RPS6KC1: variants seen among roughly 807,000 people sequenced by gnomAD.
RPS6KC1 encodes inactive ribosomal protein S6 kinase delta-1.
Under a neutral mutation model 103.8 loss-of-function variants are expected in RPS6KC1, and 54 were observed. The observed-to-expected ratio is 0.52, with a 90% CI of 0.42 to 0.65. The LOEUF is 0.65. Ranked by LOEUF, RPS6KC1 falls within the 30% of genes least tolerant of loss-of-function variation. The pLI, the probability that RPS6KC1 is intolerant of heterozygous loss-of-function variation, is 0.00. For synonymous variants in RPS6KC1, 439 were observed against 438.7 expected (o/e 1.00, Z -0.01); for missense variants, 1,151 against 1,253.8 (o/e 0.92, Z 1.24).
At chr1:213,472,738 A>G in the RPS6KC1 span, among the ~76,000 whole-genome samples, 1 of 152,246 alleles carries the variant, frequency 6.6e-6, no homozygotes, top group Admixed American at 6.5e-5. Context: ...ATAGAAAAAA[A>G]TTAACATGAA....
the RPS6KC1 span, among the ~76,000 whole-genome samples, chr1:213,761,788 C>T: frequency 1.3e-5 from 2 of 152,180 alleles, no homozygotes; most frequent in Non-Finnish European, 2.9e-5. Context: ...GAATGAGTCT[C>T]TCCAGACCCC....
chr1:213,512,747 T>C, the RPS6KC1 span, among the ~76,000 whole-genome samples: 26 of 152,326 alleles, frequency 1.7e-4, no homozygotes, highest in African/African-American at 6.3e-4. Context: ...AGAAGTAGTG[T>C]TGTCCTTGTA....
chr1:213,319,782 CT>C, the RPS6KC1 span, among the ~76,000 whole-genome samples: 1 of 152,250 alleles, frequency 6.6e-6, no homozygotes, highest in Non-Finnish European at 1.5e-5. Context: ...AAACCGTCAT[CT>C]TTAAGCATTA....
At chr1:213,154,904 C>T (rs1007926514) in intron 6 of RPS6KC1, among the ~76,000 whole-genome samples, 8 of 152,208 alleles carry the variant, frequency 5.3e-5, no homozygotes, top group East Asian at 3.8e-4. Flanking sequence ...CGCCTGAAGC[C>T]GTAAGTGTAG....
the RPS6KC1 span, among the ~76,000 whole-genome samples, chr1:213,592,355 C>T: frequency 6.6e-6 from 1 of 151,994 alleles, no homozygotes; most frequent in Non-Finnish European, 1.5e-5. Context: ...TAAATATATC[C>T]AGCAGTCTTA....
At chr1:213,486,171 A>G in the RPS6KC1 span, among the ~76,000 whole-genome samples, 161 of 152,346 alleles carry the variant, frequency 1.1e-3, no homozygotes, top group African/African-American at 3.5e-3. Flanking sequence ...AAGGCAGGTA[A>G]AATACATATA....
chr1:213,655,352 T>C, the RPS6KC1 span, among the ~76,000 whole-genome samples: 1 of 152,174 alleles, frequency 6.6e-6, no homozygotes, highest in Non-Finnish European at 1.5e-5. Flanking sequence ...CTATGGTATA[T>C]TTCTATCTGT....
the RPS6KC1 span, among the ~76,000 whole-genome samples, chr1:213,602,190 T>C: frequency 5.0e-5 from 3 of 60,580 alleles, no homozygotes; most frequent in Admixed American, 2.0e-4. Context: ...TTCTTTCTTT[T>C]TCCCTCCCTC....
the RPS6KC1 span, among the ~76,000 whole-genome samples, chr1:213,320,778 C>T: frequency 1.3e-5 from 2 of 152,220 alleles, no homozygotes; most frequent in African/African-American, 4.8e-5. Flanking sequence ...GAACCAACCC[C>T]ATCTGACCTC....
the RPS6KC1 span, among the ~76,000 whole-genome samples, chr1:213,366,905 C>T: frequency 6.6e-6 from 1 of 152,314 alleles, no homozygotes; most frequent in African/African-American, 2.4e-5. Context: ...TAGTTCTATG[C>T]CTCAGCATTT....
the RPS6KC1 span, among the ~76,000 whole-genome samples, chr1:213,460,405 CT>C: frequency 0.023 from 2,564 of 111,114 alleles, 38 homozygotes; most frequent in African/African-American, 0.074. Flanking sequence ...GCAACCCCTG[CT>C]TTTTTTTTTT....
At chr1:213,150,566 C>T (rs1479312547) in intron 6 of RPS6KC1, among the ~76,000 whole-genome samples, 4 of 150,904 alleles carry the variant, frequency 2.7e-5, no homozygotes, top group South Asian at 4.2e-4. Flanking sequence ...ACATCTTGCA[C>T]CGCCCTTAAT....
chr1:213,104,526 T>A lies in RPS6KC1; in HGVS notation c.335T>A (p.Ile112Asn). 6.2e-7 allele frequency: 1 copy of A among 1,611,882 alleles called. No homozygotes were observed. Among genetic ancestry groups the A allele is most frequent in the Non-Finnish European group, 8.5e-7 (1 of 1,178,402 alleles). The change falls in exon 4 of 15, where the codon ATT becomes AAT. Residue 112 changes from isoleucine to asparagine, a missense_variant. By Grantham distance (149) the Ile-to-Asn change is moderately radical (BLOSUM62 -3). Transcript: ENST00000366960. ...GACCTGCTACAGTTCTCTGCCAATA[T>A]TCCTGCTCTTTACAATAGTAAACAG... Reference protein sequence around the residue: ...AEDLLQFSANIPALYNSKQLE... With the variant: ...AEDLLQFSANNPALYNSKQLE...
At chr1:213,326,752 G>A in the RPS6KC1 span, among the ~76,000 whole-genome samples, 2 of 152,216 alleles carry the variant, frequency 1.3e-5, no homozygotes, top group African/African-American at 4.8e-5. Context: ...TGCAGCCAAA[G>A]TGATGGTGAG....
chr1:213,746,638 G>T, the RPS6KC1 span, among the ~76,000 whole-genome samples: 1,886 of 152,284 alleles, frequency 0.012, 22 homozygotes, highest in Non-Finnish European at 0.018. Flanking sequence ...AATTTGGGAG[G>T]CTGTATTGAG....
At chr1:213,253,936 A>G (rs2094587947) in intron 12 of RPS6KC1, among the ~76,000 whole-genome samples, 1 of 152,184 alleles carries the variant, frequency 6.6e-6, no homozygotes, top group Non-Finnish European at 1.5e-5. Context: ...GGAGACTTGG[A>G]AGACTCTGAA....
chr1:213,216,381 G>A (rs966934604), intron 8 of RPS6KC1, among the ~76,000 whole-genome samples: 12 of 152,200 alleles, frequency 7.9e-5, no homozygotes, highest in African/African-American at 1.7e-4. Flanking sequence ...CAAGTCCTTC[G>A]AGACCTACAA....
In RPS6KC1 at chr1:213,079,910, CTTTT is replaced by C. The variant is rs948756443; in HGVS notation, c.262+2098_262+2101del. ...CTGTAATAAGCTTATACCATTTTTT[CTTTT>C]TTTCTTTTTTTTTTTTTTTGAGATG... is the stretch of plus-strand genomic sequence containing the variant. On this transcript the variant is annotated intron_variant, in intron 3 of 14. Coordinates refer to ENST00000366960, the MANE Select transcript of RPS6KC1 (RefSeq NM_012424.6). Among the ~76,000 whole-genome samples, 4 of 146,386 alleles carry C rather than the reference CTTTT, an allele frequency of 2.7e-5. No individual in the cohort carries two copies. The South Asian group carries it at 8.6e-4, about 32-fold the overall frequency.
intron 4 of RPS6KC1, among the ~76,000 whole-genome samples, chr1:213,106,498 A>T (rs1287031513): frequency 6.6e-6 from 1 of 152,202 alleles, no homozygotes; most frequent in Non-Finnish European, 1.5e-5. Flanking sequence ...ACAGGGTCAC[A>T]TGCCCATCCT....
Sources: gnomAD v4.1 joint callset for allele counts (sites outside exome capture counted in the v4.1 genomes callset) on GRCh38, gnomAD v4.1.1 for gene constraint, MANE v1.5 for transcripts, NCBI Gene and HGNC (gene_info 2026-07-23, HGNC 2026-07-21) for gene names.